The following EGFR variants were observed in gnomAD, a reference collection of about 807,000 sequenced individuals.
EGFR encodes the protein avian erythroblastic leukemia viral (v-erb-b) oncogene homolog.
A neutral mutation model predicts 143.0 loss-of-function variants in EGFR; 58 were observed. That is an observed-to-expected ratio of 0.41 (90% CI 0.33 to 0.50). The LOEUF is 0.50. Ranked by LOEUF, EGFR falls within the 20% of genes least tolerant of loss-of-function variation. The pLI is 0.39. For missense variants in EGFR, 1,307 were observed against 1,579.0 expected, an observed-to-expected ratio of 0.83 and a Z score of 2.92; for synonymous variants, 613 against 594.4, an observed-to-expected ratio of 1.03 and a Z score of -0.45.
chr7:55,074,163 C>T (rs1042608250), intron 1 of EGFR, among the ~76,000 whole-genome samples: 8 of 152,210 alleles, frequency 5.3e-5, no homozygotes, highest in Non-Finnish European at 1.0e-4. Context: ...CGCTATTAAC[C>T]TTGTGAGAAA....
At chr7:55,112,684 A>G (rs1792583801) in intron 1 of EGFR, among the ~76,000 whole-genome samples, 1 of 152,166 alleles carries the variant, frequency 6.6e-6, no homozygotes, top group South Asian at 2.1e-4. Flanking sequence ...CAAGTAGGAA[A>G]CGCTGGATGG....
chr7:55,172,893 T>C (rs757749054), intron 16 of EGFR, 90 bp from the exon 17 acceptor site: 1 of 1,612,008 alleles, frequency 6.2e-7, no homozygotes, highest in Non-Finnish European at 8.5e-7. Flanking sequence ...AAGATGTCAG[T>C]GCACTGAAAC....
At chr7:55,051,056 C>T (rs113846872) in intron 1 of EGFR, among the ~76,000 whole-genome samples, 4 of 152,146 alleles carry the variant, frequency 2.6e-5, no homozygotes, top group African/African-American at 7.2e-5. Flanking sequence ...GAATCCTGGT[C>T]GGCACCATGC....
In EGFR at chr7:55,202,569, A is replaced by G. The variant is rs887824842; in HGVS notation, c.3215A>G (p.Asp1072Gly). The change falls in exon 27 of 28, where the codon GAC (aspartate) becomes GGC (glycine). Residue 1072 changes from aspartate (D) to glycine (G), a missense_variant. Around this residue, in one of 7 missense-constraint regions of EGFR, gnomAD observed 313 missense variants for 312.3 expected, o/e 1.00. Coordinates refer to ENST00000275493, the MANE Select transcript of EGFR (RefSeq NM_005228.5). ...EDSFLQRYSS[D>G]PTGALTEDSI... is the part of the protein sequence containing the mutation. ...AGCTTCTTGCAGCGATACAGCTCAGACCCCACAGGCGCCTTGACTGAGGAC... is the reference window on the plus strand; with the variant it reads ...AGCTTCTTGCAGCGATACAGCTCAGGCCCCACAGGCGCCTTGACTGAGGAC... 5 of 1,613,192 alleles carry G rather than the reference A, an allele frequency of 3.1e-6. No individual in the cohort carries two copies. The African/African-American group carries it at 6.7e-5, about 22-fold the overall frequency.
intron 1 of EGFR, among the ~76,000 whole-genome samples, chr7:55,068,026 GTATGTGTA>G (rs1240749953): frequency 1.3e-5 from 2 of 150,966 alleles, no homozygotes; most frequent in Non-Finnish European, 2.9e-5. Context: ...GTGCCTGTGT[GTATGTGTA>G]TATGTGTATG....
chr7:55,170,207 G>T, intron 15 of EGFR: 2 of 1,602,574 alleles, frequency 1.2e-6, no homozygotes, highest in Non-Finnish European at 8.5e-7. Context: ...ACAGAGACCT[G>T]GAGAGCAGAG....
At chr7:55,064,813 A>G (rs1789403051) in intron 1 of EGFR, among the ~76,000 whole-genome samples, 1 of 152,244 alleles carries the variant, frequency 6.6e-6, no homozygotes, top group Admixed American at 6.5e-5. Flanking sequence ...AAGGAAAATC[A>G]GGGAATAAAA....
At chr7:55,133,938 G>A (rs1010198103) in intron 1 of EGFR, among the ~76,000 whole-genome samples, 1 of 152,222 alleles carries the variant, frequency 6.6e-6, no homozygotes, top group Non-Finnish European at 1.5e-5. Context: ...CCCTGAACAT[G>A]AGTAAGCAAA....
At chr7:55,094,873 C>T (rs1325857745) in intron 1 of EGFR, among the ~76,000 whole-genome samples, 1 of 152,188 alleles carries the variant, frequency 6.6e-6, no homozygotes, top group Non-Finnish European at 1.5e-5. Flanking sequence ...AGACCCAAAA[C>T]AATTTAACAG....
intron 8 of EGFR, 86 bp from the exon 9 acceptor site, chr7:55,156,447 C>T (rs2128937958): frequency 6.3e-7 from 1 of 1,592,390 alleles, no homozygotes; most frequent in Non-Finnish European, 8.6e-7. Context: ...ACCGGAATTC[C>T]TTCCTGCTTC....
rs569003970 is a variant in EGFR, at chr7:55,044,714, G to A, written c.88+25349G>A. Among the ~76,000 whole-genome samples the A allele has an allele frequency of 1.9e-4, 29 of 152,276 alleles. No individual in the cohort carries two copies. In the South Asian group the frequency reaches 5.4e-3, roughly 28 times the overall value. On this transcript the variant is annotated intron_variant, in intron 1 of 27. Coordinates refer to ENST00000275493, the MANE Select transcript of EGFR (RefSeq NM_005228.5). ...TAGAGTCCAGTAACACTTGTTTCCCGCCGCCCCCCGCATAACTCGTGTGTC... is the reference window on the plus strand; with the variant it reads ...TAGAGTCCAGTAACACTTGTTTCCCACCGCCCCCCGCATAACTCGTGTGTC...
At chr7:55,140,134 A>G (rs1270049594) in intron 1 of EGFR, among the ~76,000 whole-genome samples, 1 of 152,004 alleles carries the variant, frequency 6.6e-6, no homozygotes, top group Non-Finnish European at 1.5e-5. Context: ...ACTGTTTTCT[A>G]TAATAGATTA....
chr7:55,170,329 G>T lies in EGFR; in HGVS notation c.1881-846G>T, dbSNP rs147139524. 2.5e-5 allele frequency: 41 copies of T among 1,614,148 alleles called. No individual in the cohort carries two copies. The African/African-American group carries it at 4.5e-4, about 18-fold the overall frequency. On this transcript the variant is annotated intron_variant, in intron 15 of 27. Coordinates refer to ENST00000275493, the MANE Select transcript of EGFR (RefSeq NM_005228.5). ...CAGGCCAGGAAATGAGAGTCTCAAA[G>T]CCATGTTATTCTGCCTTTTTAAACT...
intron 1 of EGFR, among the ~76,000 whole-genome samples, chr7:55,040,040 C>T (rs879718053): frequency 1.3e-5 from 2 of 152,176 alleles, no homozygotes; most frequent in African/African-American, 4.8e-5. Context: ...TCAGAATTCC[C>T]CGCATGTGTC....
chr7:55,144,214 G>A lies in EGFR; in HGVS notation c.424+726G>A, dbSNP rs17336366. ...GCATCCTATCTGGCTGGACCCCGCC[G>A]AGGGTGAAGGCGTCATTAGGTCGGA... is the stretch of plus-strand genomic sequence containing the variant. On this transcript the variant is annotated intron_variant, in intron 3 of 27. Coordinates refer to ENST00000275493, the MANE Select transcript of EGFR (RefSeq NM_005228.5). 4.6e-5 allele frequency among the ~76,000 whole-genome samples: 7 copies of A among 152,298 alleles called. No individual in the cohort carries two copies. The South Asian group carries it at 6.2e-4, about 14-fold the overall frequency.
At chr7:55,191,592 C>A (rs1166192754) in intron 20 of EGFR, 127 bp from the exon 21 acceptor site, 1 of 1,230,818 alleles carries the variant, frequency 8.1e-7, no homozygotes. Context: ...TAGTCACTAA[C>A]GTTCGCCAGC....
chr7:55,097,300 T>C lies in EGFR; in HGVS notation c.89-44986T>C, dbSNP rs183854311. 4.8e-3 allele frequency among the ~76,000 whole-genome samples: 725 copies of C among 152,226 alleles called. 4 individuals are homozygous for C. The highest frequency in any genetic ancestry group is 0.027 in the South Asian group (128 of 4,820). On this transcript the variant is annotated intron_variant, in intron 1 of 27. Transcript: ENST00000275493. ...CCTCCTTGCCTAATGGCCTGGATGC[T>C]CTCAGATCTACAGGGGAAGGGAAGG...
In EGFR at chr7:55,131,939, G is replaced by GAAAAA. The variant is rs1272464184; in HGVS notation, c.89-10333_89-10329dup. The stretch of plus-strand genomic sequence containing the variant: ...AGCGCAGGGAGCATCTTTGCTTTCA[G>GAAAAA]AAAAAAAAAAAAAAAAAAGAAGCAC... On this transcript the variant is annotated intron_variant, in intron 1 of 27. Coordinates refer to ENST00000275493, the MANE Select transcript of EGFR (RefSeq NM_005228.5). Among the ~76,000 whole-genome samples, 9 of 99,806 alleles carry GAAAAA rather than the reference G, an allele frequency of 9.0e-5. No individual in the cohort carries two copies. The East Asian group carries it at 2.7e-3, about 30-fold the overall frequency. 65.5% of individuals were successfully genotyped at this position (99,806 alleles called of 152,430 possible).
chr7:55,049,795 C>T (rs1788381186), intron 1 of EGFR, among the ~76,000 whole-genome samples: 1 of 152,168 alleles, frequency 6.6e-6, no homozygotes, highest in Non-Finnish European at 1.5e-5. Flanking sequence ...AAATCCCTTG[C>T]TTACAGATTG....
Sources: gnomAD v4.1 joint callset for allele counts (sites outside exome capture counted in the v4.1 genomes callset) on GRCh38, gnomAD v4.1.1 for gene constraint, gnomAD v4.1.1 regional missense constraint, MANE v1.5 for transcripts, NCBI Gene and HGNC (gene_info 2026-07-23, HGNC 2026-07-21) for gene names.